Variants in CTRB2 observed in about 807,000 individuals in gnomAD.
The protein encoded by CTRB2 is chymotrypsin B2.
CTRB2 carries 9 observed loss-of-function variants against 19.3 expected under a neutral mutation model. The observed-to-expected ratio is 0.47, with a 90% CI of 0.28 to 0.81. The LOEUF (loss-of-function observed/expected upper bound fraction) is 0.81. CTRB2 is among the 40% of genes least tolerant of loss of function. The pLI, the probability that CTRB2 is intolerant of heterozygous loss-of-function variation, is 0.11. For missense variants in CTRB2, 210 were observed against 269.7 expected, an observed-to-expected ratio of 0.78 and a Z score of 1.55; for synonymous variants, 98 against 117.3, an observed-to-expected ratio of 0.84 and a Z score of 1.06.
intron 6 of CTRB2, 148 bp from the exon 7 acceptor site, chr16:75,204,470 T>C: frequency 2.1e-6 from 2 of 933,154 alleles, no homozygotes; most frequent in Non-Finnish European, 3.2e-6. Flanking sequence ...TGGGTTCACA[T>C]GGCAGCCCCC....
intron 6 of CTRB2, 44 bp from the exon 7 acceptor site, chr16:75,204,366 C>T (rs545187336): frequency 1.2e-5 from 19 of 1,597,702 alleles, no homozygotes; most frequent in Non-Finnish European, 1.6e-5. Context: ...AAAGGGGTGC[C>T]AGGGCCTAGG....
rs1317460222 is a variant in CTRB2, at chr16:75,207,159, T to A, written c.-18A>T. The A allele has an allele frequency of 1.9e-6, 3 of 1,554,218 alleles. No homozygotes were observed. The highest frequency in any genetic ancestry group is 2.6e-6 in the Non-Finnish European group (3 of 1,148,152). On this transcript the variant is annotated 5_prime_UTR_variant, in exon 1 of 7. Coordinates refer to ENST00000303037, the MANE Select transcript of CTRB2 (RefSeq NM_001025200.4). ...AAAGCCATGGTGCCGCTGGCAGGGG[T>A]GTAGGACGCCTGTCTGCCGGTCCCC... is the stretch of plus-strand genomic sequence containing the variant.
rs1348832446 is a variant in CTRB2 at position 75,204,857 on chromosome 16, G to A, written c.546C>T (p.Ser182=). Residue 182 remains serine, a synonymous_variant, in exon 6 of 7, where the codon TCC becomes TCT. Transcript: ENST00000303037. The part of the protein sequence containing the change: ...KLQQAALPLL[S]NAECKKSWGR... ...CCCAGGACTTCTTGCATTCGGCATT[G>A]GACAGGAGGGGCAGGGCTGCCTGCT... The A allele has an allele frequency of 3.9e-6, 5 of 1,266,956 alleles. No individual in the cohort carries two copies. Among genetic ancestry groups the A allele is most frequent in the Non-Finnish European group, 5.5e-6 (5 of 910,812 alleles). 78.5% of individuals were successfully genotyped at this position (1,266,956 alleles called of 1,614,324 possible). A position where few individuals can be genotyped will look rare whatever the true frequency, so the allele number is the denominator to read the frequency against.
At chr16:75,206,490 G>A in intron 1 of CTRB2, 1 of 492,278 alleles carries the variant, frequency 2.0e-6, no homozygotes. Context: ...CAGTCTGGGA[G>A]GCCAGACTCT....
rs1349248196 is a variant in CTRB2, at chr16:75,206,780, C to T, written c.52+310G>A. On this transcript the variant is annotated intron_variant, in intron 1 of 6. Coordinates refer to ENST00000303037, the MANE Select transcript of CTRB2 (RefSeq NM_001025200.4). ...GGCCGCTGACTGTTTGGGGGTTTCC[C>T]GAAGGCCTCAGGGCAGCCCCCGGAC... is the stretch of plus-strand genomic sequence containing the variant. 6 of 436,932 alleles carry T rather than the reference C, an allele frequency of 1.4e-5. No individual in the cohort carries two copies. In the East Asian group the frequency reaches 1.9e-4, roughly 14 times the overall value. 27.1% of individuals were successfully genotyped at this position (436,932 alleles called of 1,614,324 possible).
rs918339007 is a variant in CTRB2 at position 75,204,608 on chromosome 16, C to T, written c.630+165G>A. The T allele has an allele frequency of 3.6e-6, 5 of 1,373,182 alleles. No homozygotes were observed. The African/African-American group carries it at 5.8e-5, about 16-fold the overall frequency. The allele number at this position is 1,373,182 out of a possible 1,614,324, so 85.1% of individuals were successfully genotyped here. ...AAGTCCCCAGGGGCAGCCTCAGCTG[C>T]ATGGCCTGGAGGAACCCTCATGGGC... On this transcript the variant is annotated intron_variant, in intron 6 of 6. Coordinates refer to ENST00000303037, the MANE Select transcript of CTRB2 (RefSeq NM_001025200.4).
At chr16:75,206,471 C>A in intron 1 of CTRB2, 1 of 519,546 alleles carries the variant, frequency 1.9e-6, no homozygotes, top group East Asian at 3.2e-5. Flanking sequence ...GGGCGGCAGC[C>A]CCGGCGCTCA....
Position 75,207,154 on chromosome 16 carries a change from A to G in CTRB2, c.-13T>C, listed in dbSNP as rs1188609505. 2.6e-6 allele frequency: 4 copies of G among 1,555,756 alleles called. No homozygotes were observed. The Admixed American group carries it at 7.8e-5, about 30-fold the overall frequency. ...AGAGGAAAGCCATGGTGCCGCTGGC[A>G]GGGGTGTAGGACGCCTGTCTGCCGG... On this transcript the variant is annotated 5_prime_UTR_variant, in exon 1 of 7. Transcript: ENST00000303037.
chr16:75,206,223 T>C, intron 1 of CTRB2, 30 bp from the exon 2 acceptor site: 1 of 1,541,754 alleles, frequency 6.5e-7, no homozygotes, highest in African/African-American at 1.4e-5. Flanking sequence ...GAGGGGTGGG[T>C]ACCACCCACC....
In CTRB2 at chr16:75,205,903, C is replaced by G; in HGVS notation, c.236+10G>C. On this transcript the variant is annotated intron_variant, in intron 3 of 6. Transcript: ENST00000303037. ...GCTGGAAGCGGAGCCCAAGGCTGCC[C>G]GGTCCTCACCTGACCCCGCAGTGGG... The G allele has an allele frequency of 2.8e-6, 2 of 718,842 alleles. No individual in the cohort carries two copies. The highest frequency in any genetic ancestry group is 2.3e-5 in the African/African-American group (1 of 43,506). The allele number at this position is 718,842 out of a possible 1,614,324, so 44.5% of individuals were successfully genotyped here. A position where few individuals can be genotyped will look rare whatever the true frequency, so the allele number is the denominator to read the frequency against.
In CTRB2 at chr16:75,204,777, C is replaced by A. The variant is rs769900028; in HGVS notation, c.626G>T (p.Cys209Phe). 7.3e-6 allele frequency: 10 copies of A among 1,379,240 alleles called. No homozygotes were observed. The South Asian group carries it at 1.4e-4, about 19-fold the overall frequency. 85.4% of individuals were successfully genotyped at this position (1,379,240 alleles called of 1,614,324 possible). A position where few individuals can be genotyped will look rare whatever the true frequency, so the allele number is the denominator to read the frequency against. ...CCTGGGCAGGGCCAGCCTCACCATG[C>A]AGGAGGAGACGCCACTGGCCCCGGC... ...ICAGASGVSS[C>F]MGDSGGPLVC... Residue 209 changes from cysteine to phenylalanine, a missense_variant, in exon 6 of 7, where the codon TGC (cysteine) becomes TTC (phenylalanine). Cys to Phe is a radical substitution (Grantham distance 205). Around this residue, in one of 4 missense-constraint regions of CTRB2, gnomAD observed 120 missense variants for 90.8 expected, o/e 1.32. Coordinates refer to ENST00000303037, the MANE Select transcript of CTRB2 (RefSeq NM_001025200.4).
rs897064492 is a variant in CTRB2 at position 75,204,176 on chromosome 16, G to A, written c.777C>T (p.Ile259=). 1 of 1,614,138 alleles carries A rather than the reference G, an allele frequency of 6.2e-7. No individual in the cohort carries two copies. The highest frequency in any genetic ancestry group is 8.5e-7 in the Non-Finnish European group (1 of 1,180,000). Residue 259 remains isoleucine, a synonymous_variant, in exon 7 of 7, where the codon ATC becomes ATT. Coordinates refer to ENST00000303037, the MANE Select transcript of CTRB2 (RefSeq NM_001025200.4). The part of the protein sequence containing the change: ...VAKLIPWVQK[I]LAAN ...AGCTGCGGGCTCAGTTGGCGGCCAG[G>A]ATCTTCTGCACCCAGGGTATGAGCT...
At chr16:75,206,850 G>A in intron 1 of CTRB2, 1 of 529,902 alleles carries the variant, frequency 1.9e-6, no homozygotes, top group African/African-American at 1.9e-5. Flanking sequence ...CCTCAGGTCT[G>A]CTGGGGGTGA....
At chr16:75,206,630 C>T (rs1362056185) in intron 1 of CTRB2, 2 of 302,980 alleles carry the variant, frequency 6.6e-6, no homozygotes, top group East Asian at 1.6e-4. Context: ...AGCTCTGCGC[C>T]TGGCACCCGG....
At position 75,207,078 on chromosome 16, in the gene CTRB2, C is replaced by A. The variant is rs2151364047; in HGVS notation, c.52+12G>T. ...AGAAAACCCTTCGGCCTCCGCAGGGCCTGGCACTCACCGAAGGTGGTACCC... is the reference window on the plus strand; with the variant it reads ...AGAAAACCCTTCGGCCTCCGCAGGGACTGGCACTCACCGAAGGTGGTACCC... On this transcript the variant is annotated intron_variant, in intron 1 of 6. Transcript: ENST00000303037. The A allele has an allele frequency of 6.4e-7, 1 of 1,553,086 alleles. No homozygotes were observed. The highest frequency in any genetic ancestry group is 2.4e-5 in the East Asian group (1 of 41,542).
chr16:75,206,466 G>A, intron 1 of CTRB2: 1 of 522,306 alleles, frequency 1.9e-6, no homozygotes, highest in Non-Finnish European at 3.4e-6. Flanking sequence ...GCGGTGGGCG[G>A]CAGCCCCGGC....
At position 75,204,776 on chromosome 16, in the gene CTRB2, G is replaced by A; in HGVS notation, c.627C>T (p.Cys209=). 3 of 1,380,454 alleles carry A rather than the reference G, an allele frequency of 2.2e-6. No individual in the cohort carries two copies. Among genetic ancestry groups the A allele is most frequent in the African/African-American group, 1.5e-5 (1 of 67,992 alleles). The allele number at this position is 1,380,454 out of a possible 1,614,324, so 85.5% of individuals were successfully genotyped here. The part of the protein sequence containing the change: ...ICAGASGVSS[C]MGDSGGPLVC... ...GCCTGGGCAGGGCCAGCCTCACCAT[G>A]CAGGAGGAGACGCCACTGGCCCCGG... The change falls in exon 6 of 7, where the codon TGC becomes TGT. Residue 209 remains cysteine (C), a synonymous_variant. Coordinates refer to ENST00000303037, the MANE Select transcript of CTRB2 (RefSeq NM_001025200.4).
In CTRB2 at chr16:75,206,173, G is replaced by A. The variant is rs1403952818; in HGVS notation, c.73C>T (p.His25Tyr). 2 of 1,555,550 alleles carry A rather than the reference G, an allele frequency of 1.3e-6. No homozygotes were observed. Among genetic ancestry groups the A allele is most frequent in the South Asian group, 2.4e-5 (2 of 84,726 alleles). The change falls in exon 2 of 7, where the codon CAC (histidine) becomes TAC (tyrosine). Residue 25 changes from histidine (H) to tyrosine (Y), a missense_variant. Around this residue, in one of 4 missense-constraint regions of CTRB2, gnomAD observed 57 missense variants for 72.6 expected, o/e 0.79. Transcript: ENST00000303037. ...CTGGACAGGCCGCTGAGCACAGGGT[G>A]GATGGCGGGGACCCCGCAGCCTGGG... ...TTFGCGVPAIHPVLSGLSRIV... is the reference protein window; with the variant it reads ...TTFGCGVPAIYPVLSGLSRIV...
chr16:75,204,631 G>C (rs561437763), intron 6 of CTRB2, 142 bp downstream of exon 6: 1 of 1,482,700 alleles, frequency 6.7e-7, no homozygotes, highest in East Asian at 2.5e-5. Context: ...AACCCTCATG[G>C]GCGGCTGTGA....
Sources: gnomAD v4.1 joint callset for allele counts on GRCh38, gnomAD v4.1.1 for gene constraint, gnomAD v4.1.1 regional missense constraint, MANE v1.5 for transcripts, NCBI Gene and HGNC (gene_info 2026-07-23, HGNC 2026-07-21) for gene names.